GPA33: variants seen among roughly 807,000 people sequenced by gnomAD.
GPA33 encodes the protein cell surface A33 antigen.
Under a neutral mutation model 35.6 loss-of-function variants are expected in GPA33, and 27 were observed. That is an observed-to-expected ratio of 0.76 (90% CI 0.56 to 1.04). GPA33 has a LOEUF of 1.04. Ranked by LOEUF, GPA33 falls within the 50% of genes least tolerant of loss-of-function variation. The pLI is 0.00. For missense variants in GPA33, 428 were observed against 411.9 expected (o/e 1.04, Z -0.34); for synonymous variants, 176 against 164.0 (o/e 1.07, Z -0.56).
Position 167,054,192 on chromosome 1 carries a change from C to T in GPA33, c.*142G>A. 1 of 1,126,500 alleles carries T rather than the reference C, an allele frequency of 8.9e-7. No individual in the cohort carries two copies. The highest frequency in any genetic ancestry group is 1.4e-5 in the South Asian group (1 of 69,498). The allele number at this position is 1,126,500 out of a possible 1,614,324, so 69.8% of individuals were successfully genotyped here. A position where few individuals can be genotyped will look rare whatever the true frequency, so the allele number is the denominator to read the frequency against. On this transcript the variant is annotated 3_prime_UTR_variant, in exon 7 of 7. Coordinates refer to ENST00000367868, the MANE Select transcript of GPA33 (RefSeq NM_005814.3). ...CTTACCAGGCCAGCCATGTTCCCCACAGCTGACACTGGGGAAGAAATGTCC... is the reference window on the plus strand; with the variant it reads ...CTTACCAGGCCAGCCATGTTCCCCATAGCTGACACTGGGGAAGAAATGTCC...
intron 4 of GPA33, among the ~76,000 whole-genome samples, chr1:167,061,067 G>A (rs1010681103): frequency 6.6e-6 from 1 of 152,190 alleles, no homozygotes; most frequent in Non-Finnish European, 1.5e-5. Flanking sequence ...GTAAACACTA[G>A]CATTGTACCC....
chr1:167,070,472 C>A (rs189642408), intron 2 of GPA33, among the ~76,000 whole-genome samples: 3 of 152,306 alleles, frequency 2.0e-5, no homozygotes, highest in Non-Finnish European at 4.4e-5. Context: ...AGGCCTCCCC[C>A]AAGTTCACAT....
At chr1:167,056,665 G>GTGTGT (rs1666277042) in intron 4 of GPA33, among the ~76,000 whole-genome samples, 1 of 916 alleles carries the variant, frequency 1.1e-3, no homozygotes, top group East Asian at 0.031. Flanking sequence ...GTGGTACGGT[G>GTGTGT]AGTGTGTGAT....
intron 1 of GPA33, among the ~76,000 whole-genome samples, chr1:167,087,910 T>TCACACACACACACACACACACACA (rs375861023): frequency 6.0e-5 from 9 of 149,744 alleles, no homozygotes; most frequent in African/African-American, 2.2e-4. Context: ...AGACTCTGTC[T>TCACACACACACACACACACACACA]CACACACACA....
chr1:167,072,669 T>C (rs560457816), intron 2 of GPA33, among the ~76,000 whole-genome samples: 3 of 152,182 alleles, frequency 2.0e-5, no homozygotes, highest in South Asian at 2.1e-4. Context: ...AGTACCTTCA[T>C]AAATTGAAAT....
At chr1:167,081,509 A>G (rs952483905) in intron 1 of GPA33, among the ~76,000 whole-genome samples, 2 of 152,108 alleles carry the variant, frequency 1.3e-5, no homozygotes, top group African/African-American at 4.8e-5. Flanking sequence ...GTGGTTTAGG[A>G]CTCAATAAAT....
At chr1:167,083,853 G>A (rs1571320527) in intron 1 of GPA33, among the ~76,000 whole-genome samples, 1 of 152,216 alleles carries the variant, frequency 6.6e-6, no homozygotes, top group African/African-American at 2.4e-5. Context: ...GTTTCTTGGG[G>A]GTGTATGATT....
intron 6 of GPA33, 152 bp from the exon 7 acceptor site, chr1:167,054,618 G>A (rs1435337685): frequency 1.1e-6 from 1 of 950,486 alleles, no homozygotes; most frequent in African/African-American, 1.6e-5. Context: ...GCTGGGCTGA[G>A]AGTAAAGGTG....
intron 1 of GPA33, among the ~76,000 whole-genome samples, chr1:167,077,915 G>A (rs1017134986): frequency 7.9e-5 from 12 of 152,168 alleles, no homozygotes; most frequent in Non-Finnish European, 1.6e-4. Context: ...ACATAATTGA[G>A]GTTCCAAAAG....
At chr1:167,056,679 TCTG>T (rs1666279336) in intron 4 of GPA33, among the ~76,000 whole-genome samples, 1 of 11,026 alleles carries the variant, frequency 9.1e-5, no homozygotes, top group Non-Finnish European at 1.8e-4. Context: ...GTGTGATGTG[TCTG>T]GTGTGTGGTG....
chr1:167,062,997 C>G (rs1038546397), intron 4 of GPA33, among the ~76,000 whole-genome samples: 9 of 152,196 alleles, frequency 5.9e-5, no homozygotes, highest in Non-Finnish European at 8.8e-5. Context: ...GAGTGCTTAT[C>G]AGGGCACGTT....
At chr1:167,080,060 G>A (rs556825844) in intron 1 of GPA33, among the ~76,000 whole-genome samples, 5 of 152,164 alleles carry the variant, frequency 3.3e-5, no homozygotes, top group African/African-American at 1.2e-4. Flanking sequence ...GTATAGGTTG[G>A]CATTGAATAT....
At chr1:167,061,266 T>G (rs954791548) in intron 4 of GPA33, among the ~76,000 whole-genome samples, 1 of 152,224 alleles carries the variant, frequency 6.6e-6, no homozygotes, top group African/African-American at 2.4e-5. Context: ...CACCACTGGG[T>G]ATAAAGCTAT....
chr1:167,061,808 T>C (rs1666456081), intron 4 of GPA33, among the ~76,000 whole-genome samples: 1 of 152,126 alleles, frequency 6.6e-6, no homozygotes, highest in African/African-American at 2.4e-5. Flanking sequence ...TTCACCGTGT[T>C]AGCCAGGATG....
chr1:167,058,238 AGCAATGTAT>A (rs1666357329), intron 4 of GPA33: 1 of 152,342 alleles, frequency 6.6e-6, no homozygotes, highest in African/African-American at 2.4e-5. Flanking sequence ...GTATGATAAA[AGCAATGTAT>A]GCTCCTTATA....
intron 4 of GPA33, among the ~76,000 whole-genome samples, chr1:167,059,345 A>C (rs528306437): frequency 6.6e-6 from 1 of 152,180 alleles, no homozygotes; most frequent in Non-Finnish European, 1.5e-5. Flanking sequence ...GTGGTCAGAA[A>C]GGGGAATGCA....
At chr1:167,066,430 C>G (rs1282318121) in intron 3 of GPA33, among the ~76,000 whole-genome samples, 1 of 152,168 alleles carries the variant, frequency 6.6e-6, no homozygotes, top group African/African-American at 2.4e-5. Flanking sequence ...AAGTGACCAG[C>G]CACTCCCAAA....
chr1:167,087,910 T>A (rs67780847), intron 1 of GPA33, among the ~76,000 whole-genome samples: 60,665 of 149,332 alleles, frequency 0.41, 12,588 homozygotes, highest in Middle Eastern at 0.44. Flanking sequence ...AGACTCTGTC[T>A]CACACACACA....
intron 1 of GPA33, among the ~76,000 whole-genome samples, chr1:167,084,514 A>G (rs558465486): frequency 6.6e-6 from 1 of 152,220 alleles, no homozygotes; most frequent in Non-Finnish European, 1.5e-5. Flanking sequence ...ACTGCTTCTC[A>G]ATAGACTATG....
Sources: allele counts gnomAD v4.1 joint callset (sites outside exome capture counted in the v4.1 genomes callset), GRCh38; gene constraint gnomAD v4.1.1; transcripts MANE v1.5; gene names NCBI Gene and HGNC (gene_info 2026-07-23, HGNC 2026-07-21).